MBD5: variants seen among roughly 807,000 people sequenced by gnomAD.
MBD5 encodes the protein methyl-CpG binding domain protein 5.
Under a neutral mutation model 117.3 loss-of-function variants are expected in MBD5, and 13 were observed. The ratio of observed to expected loss-of-function variants is 0.11; its 90% CI spans 0.07 to 0.18. The LOEUF (loss-of-function observed/expected upper bound fraction) is 0.18, where lower values mean the gene tolerates loss of function less well. Ranked by LOEUF, MBD5 falls within the 10% of genes least tolerant of loss-of-function variation. MBD5 has a pLI of 1.00. For missense variants in MBD5, 1,879 were observed against 2,093.8 expected, an observed-to-expected ratio of 0.90 and a Z score of 2.00; for synonymous variants, 727 against 766.4, an observed-to-expected ratio of 0.95 and a Z score of 0.85.
intron 4 of MBD5, among the ~76,000 whole-genome samples, chr2:148,368,492 AAAAT>A (rs1278523072): frequency 6.6e-6 from 1 of 152,168 alleles, no homozygotes; most frequent in Admixed American, 6.5e-5. Context: ...AAACTTTTTT[AAAAT>A]AAATAAAAAC....
At chr2:148,461,494 G>C (rs1707080991) in intron 5 of MBD5, among the ~76,000 whole-genome samples, 1 of 152,094 alleles carries the variant, frequency 6.6e-6, no homozygotes, top group African/African-American at 2.4e-5. Context: ...AATACTACTT[G>C]TGTTTTTGTA....
chr2:148,342,833 G>A (rs1371447799), intron 4 of MBD5, among the ~76,000 whole-genome samples: 4 of 151,916 alleles, frequency 2.6e-5, no homozygotes, highest in African/African-American at 9.7e-5. Flanking sequence ...TGGGTATACT[G>A]CATGATGCTG....
chr2:148,371,372 A>G lies in MBD5; in HGVS notation c.-557+29036A>G, dbSNP rs78019180. ...CCCCCTCAATTAGATATTTTTTAGC[A>G]AGAGAATAACTGTCTCACACCAGGA... On this transcript the variant is annotated intron_variant, in intron 4 of 13. Coordinates refer to ENST00000642680, the MANE Select transcript of MBD5 (RefSeq NM_001378120.1). Among the ~76,000 whole-genome samples, 86 of 152,258 alleles carry G rather than the reference A, an allele frequency of 5.6e-4. 2 individuals are homozygous for G. In the East Asian group the frequency reaches 0.015, roughly 26 times the overall value.
In MBD5 at chr2:148,021,492, GCTGCTACTGCTGCTGCTGCTA is replaced by G. The variant is rs1693726097; in HGVS notation, c.-1111_-1091del. ...TGCTGCTGCTGCTGTTGCTGCTGCT[GCTGCTACTGCTGCTGCTGCTA>G]CTGCTGCTGCTTGGCCCTGGCTGGA... On this transcript the variant is annotated 5_prime_UTR_variant, in exon 1 of 14. Transcript: ENST00000642680. 4 of 576,210 alleles carry G rather than the reference GCTGCTACTGCTGCTGCTGCTA, an allele frequency of 6.9e-6. 1 individual carries two copies. Among genetic ancestry groups the G allele is most frequent in the African/African-American group, 5.7e-5 (3 of 52,658 alleles). 35.7% of individuals were successfully genotyped at this position (576,210 alleles called of 1,614,324 possible).
chr2:148,342,921 C>G (rs943817160), intron 4 of MBD5, among the ~76,000 whole-genome samples: 2 of 151,880 alleles, frequency 1.3e-5, no homozygotes, highest in African/African-American at 4.8e-5. Flanking sequence ...CTCTTGCTCC[C>G]CCTTCCACCC....
intron 7 of MBD5, 128 bp from the exon 8 acceptor site, chr2:148,468,213 T>C: frequency 1.4e-6 from 1 of 720,642 alleles, no homozygotes; most frequent in South Asian, 1.6e-5. Context: ...ACAGCTTTTA[T>C]TTACAGATTC....
chr2:148,148,142 A>G (rs1453462994), intron 1 of MBD5, among the ~76,000 whole-genome samples: 1 of 152,216 alleles, frequency 6.6e-6, no homozygotes, highest in East Asian at 1.9e-4. Context: ...CAATGGTTAC[A>G]TAAAGGCAGT....
chr2:148,277,786 T>C (rs949938990), intron 3 of MBD5, among the ~76,000 whole-genome samples: 2 of 152,372 alleles, frequency 1.3e-5, no homozygotes, highest in Admixed American at 6.5e-5. Context: ...ACTTATTTGA[T>C]TGGGACATAA....
chr2:148,220,729 C>T (rs1699665325), intron 2 of MBD5, among the ~76,000 whole-genome samples: 1 of 152,068 alleles, frequency 6.6e-6, no homozygotes, highest in Admixed American at 6.6e-5. Context: ...TCACCTCAAG[C>T]ATTTATCTTT....
chr2:148,226,554 A>G (rs1196054742), intron 2 of MBD5, among the ~76,000 whole-genome samples: 5 of 152,188 alleles, frequency 3.3e-5, no homozygotes, highest in African/African-American at 1.2e-4. Context: ...GCTATTGTAA[A>G]TAGTGCCGCA....
intron 2 of MBD5, among the ~76,000 whole-genome samples, chr2:148,219,432 G>A (rs1294431473): frequency 6.6e-6 from 1 of 151,978 alleles, no homozygotes; most frequent in African/African-American, 2.4e-5. Context: ...TTAAAACATA[G>A]AGTATAGTAA....
intron 1 of MBD5, among the ~76,000 whole-genome samples, chr2:148,134,146 C>T (rs1019288313): frequency 4.6e-5 from 7 of 152,026 alleles, no homozygotes; most frequent in Non-Finnish European, 1.0e-4. Context: ...ATTTTACTTA[C>T]TGCTAATCAT....
chr2:148,322,654 C>G (rs1469179390), intron 3 of MBD5, among the ~76,000 whole-genome samples: 1 of 152,088 alleles, frequency 6.6e-6, no homozygotes, highest in Non-Finnish European at 1.5e-5. Context: ...TGTGCATTGC[C>G]TTTGCACAAA....
At chr2:148,366,416 C>A (rs926234046) in intron 4 of MBD5, among the ~76,000 whole-genome samples, 2 of 152,132 alleles carry the variant, frequency 1.3e-5, no homozygotes, top group Non-Finnish European at 2.9e-5. Context: ...AAAACCAGCA[C>A]AAGACAAGGA....
chr2:148,141,803 A>G (rs1697321419), intron 1 of MBD5, among the ~76,000 whole-genome samples: 1 of 146,982 alleles, frequency 6.8e-6, no homozygotes, highest in African/African-American at 2.5e-5. Flanking sequence ...AAAAAAAAAA[A>G]TGTTTTTAAT....
chr2:148,423,100 G>T (rs78744977), intron 4 of MBD5, among the ~76,000 whole-genome samples: 1 of 152,016 alleles, frequency 6.6e-6, no homozygotes, highest in Admixed American at 6.6e-5. Context: ...GATACTCCTC[G>T]AGAAGAGCAA....
intron 1 of MBD5, among the ~76,000 whole-genome samples, chr2:148,052,656 C>G (rs998491126): frequency 7.9e-5 from 12 of 151,838 alleles, no homozygotes; most frequent in African/African-American, 2.9e-4. Flanking sequence ...GTTCTTTGAC[C>G]TATTGATTAT....
chr2:148,108,455 A>G (rs1696425228), intron 1 of MBD5, among the ~76,000 whole-genome samples: 1 of 151,450 alleles, frequency 6.6e-6, no homozygotes, highest in Non-Finnish European at 1.5e-5. Flanking sequence ...TGTCTAGTTT[A>G]TGCTTACACT....
intron 1 of MBD5, among the ~76,000 whole-genome samples, chr2:148,057,894 T>C (rs1179023334): frequency 3.3e-5 from 5 of 152,052 alleles, no homozygotes; most frequent in Non-Finnish European, 5.9e-5. Flanking sequence ...TTGTAATTTG[T>C]TTGCTTTTGT....
Sources: gnomAD v4.1 joint callset for allele counts (sites outside exome capture counted in the v4.1 genomes callset) on GRCh38, gnomAD v4.1.1 for gene constraint, MANE v1.5 for transcripts, NCBI Gene and HGNC (gene_info 2026-07-23, HGNC 2026-07-21) for gene names.